The following IGDCC4 variants were observed in gnomAD, a reference collection of about 807,000 sequenced individuals.
The protein encoded by IGDCC4 is immunoglobulin superfamily DCC subclass member 4, also known as likely ortholog of mouse neighbor of Punc E11.
In IGDCC4, 72 loss-of-function variants were observed where a neutral mutation model predicts 116.6. The observed-to-expected ratio is 0.62, with a 90% confidence interval of 0.51 to 0.75. The LOEUF (loss-of-function observed/expected upper bound fraction) is 0.75, where lower values mean the gene tolerates loss of function less well. Among genes scored for constraint, IGDCC4 ranks in the 30% least tolerant of loss-of-function variants. IGDCC4 has a pLI of 0.00. For synonymous variants in IGDCC4, 709 were observed against 719.9 expected, an observed-to-expected ratio of 0.98 and a Z score of 0.24; for missense variants, 1,501 against 1,662.4, an observed-to-expected ratio of 0.90 and a Z score of 1.69.
In IGDCC4 at chr15:65,397,009, C is replaced by T. The variant is rs934664163; in HGVS notation, c.842-20G>A. The T allele has an allele frequency of 1.3e-5, 21 of 1,571,390 alleles. No individual in the cohort carries two copies. The Admixed American group carries it at 2.4e-4, about 18-fold the overall frequency. On this transcript the variant is annotated intron_variant, in intron 5 of 19. Transcript: ENST00000352385. ...TCCCGTCTGGGGAAGGAGAGGGAGA[C>T]GCGCTGGAGGGGACGCTAGGGACTG... is the stretch of plus-strand genomic sequence containing the variant.
intron 3 of IGDCC4, among the ~76,000 whole-genome samples, chr15:65,408,885 G>A (rs1005564846): frequency 6.8e-6 from 1 of 146,770 alleles, no homozygotes; most frequent in African/African-American, 2.5e-5. Flanking sequence ...TGTCACCCAG[G>A]CTGGCTGGAA....
chr15:65,387,221 C>T (rs1210429243), intron 16 of IGDCC4, among the ~76,000 whole-genome samples: 1 of 151,996 alleles, frequency 6.6e-6, no homozygotes, highest in Admixed American at 6.6e-5. Context: ...GAGACAGGGT[C>T]TCACCATGTT....
At chr15:65,415,222 C>T (rs1159738552) in intron 1 of IGDCC4, among the ~76,000 whole-genome samples, 1 of 152,202 alleles carries the variant, frequency 6.6e-6, no homozygotes, top group African/African-American at 2.4e-5. Context: ...GGACACAAAT[C>T]CCTGAGCCCT....
intron 15 of IGDCC4, 89 bp from the exon 16 acceptor site, chr15:65,388,675 T>G (rs2091484543): frequency 1.3e-6 from 2 of 1,597,840 alleles, no homozygotes; most frequent in Non-Finnish European, 1.7e-6. Context: ...GAGAGTCTGC[T>G]CTCCACTTAG....
At chr15:65,397,552 G>T (rs2062939645) in intron 5 of IGDCC4, among the ~76,000 whole-genome samples, 1 of 152,112 alleles carries the variant, frequency 6.6e-6, no homozygotes, top group Admixed American at 6.6e-5. Context: ...ATGTTAGGCT[G>T]GGCACGGTGG....
chr15:65,410,908 G>C, intron 2 of IGDCC4, 112 bp downstream of exon 2: 1 of 781,458 alleles, frequency 1.3e-6, no homozygotes, highest in Non-Finnish European at 2.0e-6. Flanking sequence ...CAGGGAAAGG[G>C]GGAGTGGGAT....
rs3082805 is a variant in IGDCC4 at position 65,412,511 on chromosome 15, C to CAAAAAAAAAAAAAAAA, written c.71-1157_71-1142dup. ...TGGGTGACAGAATGAGATTCCATCT[C>CAAAAAAAAAAAAAAAA]AAAAAAAAAAAAAAAAAAAAAAAAA... is the stretch of plus-strand genomic sequence containing the variant. On this transcript the variant is annotated intron_variant, in intron 1 of 19. Transcript: ENST00000352385. Among the ~76,000 whole-genome samples the CAAAAAAAAAAAAAAAA allele has an allele frequency of 1.8e-4, 3 of 16,718 alleles. 1 individual carries two copies. Among genetic ancestry groups the CAAAAAAAAAAAAAAAA allele is most frequent in the African/African-American group, 5.5e-4 (3 of 5,440 alleles). 11.0% of individuals were successfully genotyped at this position (16,718 alleles called of 152,430 possible). A position where few individuals can be genotyped will look rare whatever the true frequency, so the allele number is the denominator to read the frequency against.
At chr15:65,385,275 G>T (rs1470485960) in intron 18 of IGDCC4, among the ~76,000 whole-genome samples, 160 bp from the exon 19 acceptor site, 3 of 152,206 alleles carry the variant, frequency 2.0e-5, no homozygotes, top group African/African-American at 7.2e-5. Flanking sequence ...AGCATCGAAA[G>T]GGCTCAGAGT....
rs1291465962 is a variant in IGDCC4 at position 65,390,180 on chromosome 15, C to A, written c.2383G>T (p.Ala795Ser). 1 of 1,596,210 alleles carries A rather than the reference C, an allele frequency of 6.3e-7. No homozygotes were observed. Among genetic ancestry groups the A allele is most frequent in the East Asian group, 2.2e-5 (1 of 44,446 alleles). ...VRFSPWGLRNASLVTYYTSSG... is the reference protein window; with the variant it reads ...VRFSPWGLRNSSLVTYYTSSG... Reference sequence around the variant, plus strand: ...CTGGTGTAATAGGTGACCAGGGAGGCATTCCTGAGCCCCCAGGGGCTGAAG... The same window carrying A: ...CTGGTGTAATAGGTGACCAGGGAGGAATTCCTGAGCCCCCAGGGGCTGAAG... The change falls in exon 13 of 20, where the codon GCC (alanine) becomes TCC (serine). Residue 795 changes from alanine (A) to serine (S), a missense_variant. Transcript: ENST00000352385.
chr15:65,396,216 G>GCCCCCCCCCCCCCCCCCC, intron 6 of IGDCC4, 53 bp from the exon 7 acceptor site: 1 of 1,188,160 alleles, frequency 8.4e-7, no homozygotes, highest in Non-Finnish European at 1.1e-6. Flanking sequence ...TAAGGTCTCT[G>GCCCCCCCCCCCCCCCCCC]CCCCCCCCCC....
In IGDCC4 at chr15:65,395,981, G is replaced by C. The variant is rs1329969734; in HGVS notation, c.1180C>G (p.Gln394Glu). 1 of 1,569,318 alleles carries C rather than the reference G, an allele frequency of 6.4e-7. No homozygotes were observed. Among genetic ancestry groups the C allele is most frequent in the African/African-American group, 1.4e-5 (1 of 72,502 alleles). The change falls in exon 7 of 20, where the codon CAG becomes GAG. Residue 394 changes from glutamine (Q) to glutamate (E), a missense_variant. Physicochemically the swap from Gln to Glu is conservative, Grantham distance 29. Transcript: ENST00000352385. ...QGGGGSLVIT[Q>E]IGLQDAGYYQ... The stretch of plus-strand genomic sequence containing the variant: ...TAGCCGGCGTCCTGCAGGCCGATCT[G>C]TGTGATGACCAGGCTGCCACCGCCG...
At chr15:65,394,605 C>T (rs552973819) in intron 8 of IGDCC4, 57 bp from the exon 9 acceptor site, 228 of 1,518,648 alleles carry the variant, frequency 1.5e-4, no homozygotes, top group African/African-American at 6.7e-4. Flanking sequence ...AGGTGAGGCT[C>T]GGGAGCGGTC....
Position 65,392,130 on chromosome 15 carries a change from T to G in IGDCC4, c.2122+4A>C. 2.5e-6 allele frequency: 3 copies of G among 1,193,666 alleles called. No homozygotes were observed. The highest frequency in any genetic ancestry group is 3.6e-6 in the Non-Finnish European group (3 of 830,054). 73.9% of individuals were successfully genotyped at this position (1,193,666 alleles called of 1,614,324 possible). A position where few individuals can be genotyped will look rare whatever the true frequency, so the allele number is the denominator to read the frequency against. On this transcript the variant is annotated splice_donor_region_variant and intron_variant, in intron 11 of 19. Transcript: ENST00000352385. ...TCCCTCCCCCTCCCCCCAGCCCTCC[T>G]CACCTAGCTGGGTCAGCTCATACTG...
Position 65,384,790 on chromosome 15 carries a change from T to C in IGDCC4, c.3342+164A>G. 1 of 904,810 alleles carries C rather than the reference T, an allele frequency of 1.1e-6. No individual in the cohort carries two copies. The highest frequency in any genetic ancestry group is 2.8e-5 in the Admixed American group (1 of 35,530). 56.0% of individuals were successfully genotyped at this position (904,810 alleles called of 1,614,324 possible). A position where few individuals can be genotyped will look rare whatever the true frequency, so the allele number is the denominator to read the frequency against. ...TGAAACAGGTTCCTGCAAACTGGCC[T>C]GCCCTCCACCTACTCAACCTTTGGA... On this transcript the variant is annotated intron_variant, in intron 19 of 19. Coordinates refer to ENST00000352385, the MANE Select transcript of IGDCC4 (RefSeq NM_020962.3). This position sits in a 1 kb window ranked among gnomAD's most constrained non-coding sequence, Gnocchi z 4.9.
chr15:65,403,509 T>C (rs1411304515), intron 3 of IGDCC4, among the ~76,000 whole-genome samples: 1 of 152,120 alleles, frequency 6.6e-6, no homozygotes, highest in Non-Finnish European at 1.5e-5. Flanking sequence ...ATTCACACTA[T>C]CTCATGTGAC....
intron 16 of IGDCC4, among the ~76,000 whole-genome samples, chr15:65,387,720 G>A (rs2091472971): frequency 6.6e-6 from 1 of 151,940 alleles, no homozygotes; most frequent in Non-Finnish European, 1.5e-5. Context: ...TGGAAATTAC[G>A]TAGCCAGTCC....
At chr15:65,409,464 A>G (rs2063069037) in intron 3 of IGDCC4, among the ~76,000 whole-genome samples, 1 of 152,192 alleles carries the variant, frequency 6.6e-6, no homozygotes, top group African/African-American at 2.4e-5. Context: ...CCAGGGGGTG[A>G]TGACTGAGTC....
intron 3 of IGDCC4, among the ~76,000 whole-genome samples, chr15:65,405,309 G>GTT (rs56300756): frequency 0.041 from 5,901 of 142,436 alleles, 235 homozygotes; most frequent in African/African-American, 0.1. Context: ...TGTTAAGTGG[G>GTT]TTTTTTTTTT....
intron 7 of IGDCC4, 90 bp downstream of exon 7, chr15:65,395,660 C>G (rs991129218): frequency 1.5e-6 from 2 of 1,320,342 alleles, no homozygotes; most frequent in African/African-American, 3.0e-5. Context: ...AGGTACCCAT[C>G]AGGCAACCCT....
Sources: allele counts gnomAD v4.1 joint callset (sites outside exome capture counted in the v4.1 genomes callset), GRCh38; gene constraint gnomAD v4.1.1; non-coding constraint Gnocchi (gnomAD v3.1); transcripts MANE v1.5; gene names NCBI Gene and HGNC (gene_info 2026-07-23, HGNC 2026-07-21).